Variants in PLCB2 observed in about 807,000 individuals in gnomAD.
PLCB2 encodes the protein phospholipase C beta 2.
In PLCB2, 115 loss-of-function variants were observed where a neutral mutation model predicts 141.7. The ratio of observed to expected loss-of-function variants is 0.81; its 90% CI spans 0.70 to 0.95. The LOEUF (loss-of-function observed/expected upper bound fraction) is 0.95, where lower values mean the gene tolerates loss of function less well. PLCB2 is among the 40% of genes least tolerant of loss of function. The pLI is 0.00. For missense variants in PLCB2, 1,403 were observed against 1,541.1 expected (o/e 0.91, Z 1.50); for synonymous variants, 603 against 595.6 (o/e 1.01, Z -0.18).
At chr15:40,286,597 G>T (rs1566865126), downstream of PLCB2, among the ~76,000 whole-genome samples, 1 of 152,194 alleles carries the variant, frequency 6.6e-6, no homozygotes, top group Non-Finnish European at 1.5e-5. Context: ...GATGCGTGAA[G>T]GGAGCCTTGC....
At chr15:40,290,954 TG>T in intron 27 of PLCB2, 63 bp downstream of exon 27, 1 of 870,070 alleles carries the variant, frequency 1.1e-6, no homozygotes, top group South Asian at 1.5e-5. Flanking sequence ...GAGGGGCGAA[TG>T]GGGTCCATGG....
chr15:40,294,317 G>C lies in PLCB2; in HGVS notation c.2010C>G (p.Pro670=). Residue 670 remains proline, a synonymous_variant, in exon 19 of 32, where the codon CCC becomes CCG. Coordinates refer to ENST00000260402, the MANE Select transcript of PLCB2 (RefSeq NM_004573.3). ...FMRRPDKQFN[P]FSVDRIDVVV... is the part of the protein sequence containing the mutation. ...CCACGTCGATGCGGTCCACTGAGAA[G>C]GGGTTGAACTGCTTGTCCGGCCGGC... The C allele has an allele frequency of 2.5e-6, 4 of 1,614,176 alleles. No homozygotes were observed. The highest frequency in any genetic ancestry group is 3.4e-6 in the Non-Finnish European group (4 of 1,180,036).
chr15:40,301,873 TC>T (rs1229590719), intron 7 of PLCB2, 83 bp downstream of exon 7: 3 of 1,210,112 alleles, frequency 2.5e-6, no homozygotes, highest in South Asian at 1.2e-5. Flanking sequence ...TCACCTCTGC[TC>T]CCCCACCCAC....
rs1039819827 is a variant in PLCB2 at position 40,297,761 on chromosome 15, G to T, written c.1238+116C>A. 2.0e-5 allele frequency: 19 copies of T among 960,958 alleles called. No homozygotes were observed. The African/African-American group carries it at 2.4e-4, about 12-fold the overall frequency. 59.5% of individuals were successfully genotyped at this position (960,958 alleles called of 1,614,324 possible). A position where few individuals can be genotyped will look rare whatever the true frequency, so the allele number is the denominator to read the frequency against. ...TGAGGCCTTAGGGTGATTATACTGA[G>T]ACGTGGGAGAAGCTGTAGGCAATGG... On this transcript the variant is annotated intron_variant, in intron 12 of 31. Transcript: ENST00000260402. The surrounding 1 kb of genome is among the most constrained non-coding windows in gnomAD (Gnocchi z 4.2).
chr15:40,299,105 C>G (rs2040384759), intron 8 of PLCB2, 23 bp downstream of exon 8: 2 of 1,590,672 alleles, frequency 1.3e-6, no homozygotes, highest in Non-Finnish European at 1.7e-6. Flanking sequence ...TTTCCCATGA[C>G]CAGCACAACC....
At position 40,294,292 on chromosome 15, in the gene PLCB2, C is replaced by G; in HGVS notation, c.2035G>C (p.Val679Leu). 1 of 1,614,034 alleles carries G rather than the reference C, an allele frequency of 6.2e-7. No individual in the cohort carries two copies. The highest frequency in any genetic ancestry group is 1.6e-4 in the Middle Eastern group (1 of 6,062). Reference protein sequence around the residue: ...NPFSVDRIDVVVATTLSITVI... With the variant: ...NPFSVDRIDVLVATTLSITVI... Reference sequence around the variant, plus strand: ...GTAATGGAAAGGGTGGTGGCCACCACCACGTCGATGCGGTCCACTGAGAAG... The same window carrying G: ...GTAATGGAAAGGGTGGTGGCCACCAGCACGTCGATGCGGTCCACTGAGAAG... Residue 679 changes from valine (V) to leucine (L), a missense_variant, in exon 19 of 32, where the codon GTG becomes CTG. Val to Leu is a conservative substitution (Grantham distance 32, BLOSUM62 1). Coordinates refer to ENST00000260402, the MANE Select transcript of PLCB2 (RefSeq NM_004573.3).
Position 40,288,828 on chromosome 15 carries a change from A to G in PLCB2, c.3445T>C (p.Cys1149Arg), listed in dbSNP as rs1357701959. The part of the protein sequence containing the change: ...KESVRACLRT[C>R]FPSEAKDKPE... ...TTGTCCTTGGCCTCGGAGGGAAAGC[A>G]GGTCCTGAGGCAGGCCCTCACCGAC... Residue 1149 changes from cysteine to arginine, a missense_variant, in exon 32 of 32, where the codon TGC (cysteine) becomes CGC (arginine). By Grantham distance (180) the Cys-to-Arg change is radical (BLOSUM62 -3). Around this residue, in one of 4 missense-constraint regions of PLCB2, gnomAD observed 132 missense variants for 132.4 expected, o/e 1.00. Transcript: ENST00000260402. 1.2e-6 allele frequency: 2 copies of G among 1,613,930 alleles called. No individual in the cohort carries two copies. Among genetic ancestry groups the G allele is most frequent in the African/African-American group, 2.7e-5 (2 of 74,898 alleles).
downstream of PLCB2, chr15:40,286,133 G>T: frequency 1.4e-6 from 1 of 730,158 alleles, no homozygotes; most frequent in Non-Finnish European, 1.7e-6. Flanking sequence ...GCAGAGCACA[G>T]AGGCACCAAC....
rs1197135947 is a variant in PLCB2 at position 40,290,453 on chromosome 15, C to T, written c.3209+124G>A. ...CTGATCAAAGGTGACAGGGGGGATC[C>T]GCTTTTTGGAGAGCCAGGGGACAGA... On this transcript the variant is annotated intron_variant, in intron 29 of 31. Transcript: ENST00000260402. The T allele has an allele frequency of 4.9e-5, 37 of 760,884 alleles. No individual in the cohort carries two copies. In the East Asian group the frequency reaches 5.8e-4, roughly 12 times the overall value. 47.1% of individuals were successfully genotyped at this position (760,884 alleles called of 1,614,324 possible).
chr15:40,298,338 TG>T lies in PLCB2; in HGVS notation c.1039del (p.Gln347ArgfsTer12). ...GCAACGGCAGCCAGAGAGCAGCACC[TG>T]GCGGTACATCTCAGCCGAGGAGAGG... ...SGLSSAEMYR[Q>X]VLLSGCRCVE... On this transcript the variant is annotated frameshift_variant, in exon 11 of 32. Transcript: ENST00000260402. LOFTEE classifies it high-confidence loss of function. The T allele has an allele frequency of 6.2e-7, 1 of 1,604,086 alleles. No individual in the cohort carries two copies.
intron 1 of PLCB2, among the ~76,000 whole-genome samples, 164 bp from the exon 2 acceptor site, chr15:40,304,242 G>A (rs1456557063): frequency 3.3e-5 from 5 of 152,196 alleles, no homozygotes; most frequent in Non-Finnish European, 7.3e-5. Context: ...GAGGGACAGA[G>A]GATTGGGGAT....
chr15:40,303,413 C>A, intron 2 of PLCB2, 57 bp from the exon 3 acceptor site: 10 of 1,312,526 alleles, frequency 7.6e-6, no homozygotes, highest in Non-Finnish European at 1.1e-5. Context: ...GACAAAAAGT[C>A]CAGGTCAAGA....
In PLCB2 at chr15:40,288,883, C is replaced by T. The variant is rs2039692982; in HGVS notation, c.3390G>A (p.Arg1130=). The change falls in exon 32 of 32, where the codon AGG becomes AGA. Residue 1130 remains arginine (R), a synonymous_variant. Coordinates refer to ENST00000260402, the MANE Select transcript of PLCB2 (RefSeq NM_004573.3). ...QKEALAEYEA[R]MKGLEAEVKE... ...TCACCTCTGCCTCCAGACCCTTCATCCTGGCCTCGTACTCTGCCAGCGCCT... is the reference window on the plus strand; with the variant it reads ...TCACCTCTGCCTCCAGACCCTTCATTCTGGCCTCGTACTCTGCCAGCGCCT... 2 of 1,613,926 alleles carry T rather than the reference C, an allele frequency of 1.2e-6. No individual in the cohort carries two copies. The highest frequency in any genetic ancestry group is 8.5e-7 in the Non-Finnish European group (1 of 1,180,004).
At chr15:40,301,724 C>G in intron 7 of PLCB2, 2 of 706,596 alleles carry the variant, frequency 2.8e-6, no homozygotes, top group Admixed American at 4.0e-5. Context: ...CCCCACCACC[C>G]AGGGTAGGGG....
intron 11 of PLCB2, 101 bp downstream of exon 11, chr15:40,298,122 C>T (rs1035514867): frequency 4.5e-6 from 6 of 1,337,888 alleles, no homozygotes; most frequent in Non-Finnish European, 6.1e-6. Context: ...GCCTTCCAGC[C>T]ATTCATCTTC....
At chr15:40,296,435 G>A (rs374171684) in intron 15 of PLCB2, 43 bp from the exon 16 acceptor site, 389 of 1,613,668 alleles carry the variant, frequency 2.4e-4, no homozygotes, top group Non-Finnish European at 3.2e-4. Context: ...GGATGGTGCA[G>A]AGCCCAGGAA....
downstream of PLCB2, chr15:40,285,869 C>G (rs747190542): frequency 4.5e-5 from 44 of 985,356 alleles, no homozygotes; most frequent in Non-Finnish European, 4.9e-5. Flanking sequence ...AGAGCCCCTC[C>G]TCCCTGAGAC....
At position 40,291,024 on chromosome 15, in the gene PLCB2, C is replaced by A. The variant is rs1266689095; in HGVS notation, c.3030G>T (p.Val1010=). 2 of 1,592,828 alleles carry A rather than the reference C, an allele frequency of 1.3e-6. No individual in the cohort carries two copies. The highest frequency in any genetic ancestry group is 1.7e-6 in the Non-Finnish European group (2 of 1,177,434). Residue 1010 remains valine, a synonymous_variant, in exon 27 of 32, where the codon GTG becomes GTT. Coordinates refer to ENST00000260402, the MANE Select transcript of PLCB2 (RefSeq NM_004573.3). Reference sequence around the variant, plus strand: ...CCCTGCCCCTCCCGGCCACCTCGGCCACGTGCTGCTCCTTGCGCTTCAGAA... The same window carrying A: ...CCCTGCCCCTCCCGGCCACCTCGGCAACGTGCTGCTCCTTGCGCTTCAGAA... ...ECVLKRKEQH[V]AEQISKMMEL...
intron 30 of PLCB2, 29 bp from the exon 31 acceptor site, chr15:40,289,387 G>A (rs1210453895): frequency 1.3e-6 from 2 of 1,546,938 alleles, no homozygotes; most frequent in Non-Finnish European, 1.8e-6. Context: ...CAGAGAATCA[G>A]GACAACACAG....
Sources: gnomAD v4.1 joint callset for allele counts (sites outside exome capture counted in the v4.1 genomes callset) on GRCh38, gnomAD v4.1.1 for gene constraint, gnomAD v4.1.1 regional missense constraint, Gnocchi (gnomAD v3.1) non-coding constraint, MANE v1.5 for transcripts, NCBI Gene and HGNC (gene_info 2026-07-23, HGNC 2026-07-21) for gene names.